The following ABLIM1 variants were observed in gnomAD, a reference collection of about 807,000 sequenced individuals.
The protein encoded by ABLIM1 is actin binding LIM protein 1.
A neutral mutation model predicts 107.0 loss-of-function variants in ABLIM1; 40 were observed. That is an observed-to-expected ratio of 0.37 (90% confidence interval 0.29 to 0.49). The LOEUF is 0.49. ABLIM1 is among the 20% of genes least tolerant of loss of function. The probability of loss-of-function intolerance (pLI) is 0.97; values close to 1 mark genes in which losing one functional copy is unlikely to be tolerated. For missense variants in ABLIM1, 857 were observed against 1,008.5 expected (o/e 0.85, Z 2.04); for synonymous variants, 357 against 357.3 (o/e 1.00, Z 0.01).
At chr10:114,529,476 TTTTA>T (rs1243659970) in intron 6 of ABLIM1, among the ~76,000 whole-genome samples, 1 of 152,148 alleles carries the variant, frequency 6.6e-6, no homozygotes, top group African/African-American at 2.4e-5. Context: ...TCTTTTTGGA[TTTTA>T]TTTATTTAAG....
At chr10:114,568,715 G>A (rs898762957) in intron 4 of ABLIM1, among the ~76,000 whole-genome samples, 1 of 152,188 alleles carries the variant, frequency 6.6e-6, no homozygotes, top group South Asian at 2.1e-4. Context: ...CCTGACCAAA[G>A]CAGTTGCATA....
At chr10:114,454,357 A>C (rs7080135) in intron 12 of ABLIM1, among the ~76,000 whole-genome samples, 71,937 of 151,970 alleles carry the variant, frequency 0.47, 17,370 homozygotes, top group African/African-American at 0.61. Flanking sequence ...GATGAAGGTG[A>C]CACCAATTCT....
chr10:114,573,481 G>A (rs560879096), intron 3 of ABLIM1, among the ~76,000 whole-genome samples: 5 of 152,264 alleles, frequency 3.3e-5, no homozygotes, highest in South Asian at 2.1e-4. Flanking sequence ...TTAATAAATC[G>A]TTTTTTATCA....
At chr10:114,575,635 G>T (rs1410026813) in intron 2 of ABLIM1, 36 bp from the exon 3 acceptor site, 1 of 1,591,602 alleles carries the variant, frequency 6.3e-7, no homozygotes, top group Non-Finnish European at 8.6e-7. Context: ...GTCATTATCT[G>T]CCACACTGCC....
intron 1 of ABLIM1, among the ~76,000 whole-genome samples, chr10:114,726,268 G>GT (rs2081957281): frequency 6.6e-6 from 1 of 152,122 alleles, no homozygotes; most frequent in Non-Finnish European, 1.5e-5. Context: ...AAAAGGTTTT[G>GT]TGAGTTTGTT....
intron 1 of ABLIM1, among the ~76,000 whole-genome samples, chr10:114,704,187 T>C (rs2081358989): frequency 6.6e-6 from 1 of 151,354 alleles, no homozygotes; most frequent in South Asian, 2.1e-4. Context: ...CAACATAATT[T>C]ATTTGGCATT....
chr10:114,691,361 A>G (rs1297363706), intron 1 of ABLIM1, among the ~76,000 whole-genome samples: 1 of 152,234 alleles, frequency 6.6e-6, no homozygotes, highest in Admixed American at 6.5e-5. Flanking sequence ...AGCGGAATGC[A>G]CTTAGTGGTA....
rs750976176 is a variant in ABLIM1 at position 114,575,555 on chromosome 10, C to T, written c.424G>A (p.Gly142Arg). 1.1e-5 allele frequency: 18 copies of T among 1,614,176 alleles called. No individual in the cohort carries two copies. Among genetic ancestry groups the T allele is most frequent in the East Asian group, 2.2e-5 (1 of 44,884 alleles). ...LAQGGFFIKN[G>R]EYLCTLDYQR... The stretch of plus-strand genomic sequence containing the variant: ...TAGTCCAGGGTGCAGAGATACTCTC[C>T]GTTCTTTATGAAGAAGCCCCCTTGT... Residue 142 changes from glycine (G) to arginine (R), a missense_variant, in exon 3 of 23, where the codon GGA (glycine) becomes AGA (arginine). Transcript: ENST00000533213.
chr10:114,585,476 C>A (rs1293780461), intron 2 of ABLIM1, among the ~76,000 whole-genome samples: 1 of 152,328 alleles, frequency 6.6e-6, no homozygotes, highest in South Asian at 2.1e-4. Context: ...TATTATCCCT[C>A]CTAATGGGCT....
rs377688460 is a variant in ABLIM1, at chr10:114,716,410, A to C, written c.-213+51651T>G. 7.7e-5 allele frequency among the ~76,000 whole-genome samples: 11 copies of C among 143,626 alleles called. No homozygotes were observed. The East Asian group carries it at 2.0e-3, about 27-fold the overall frequency. The allele number at this position is 143,626 out of a possible 152,430, so 94.2% of individuals were successfully genotyped here. ...TAGTGTTCTCAAATTGGTAGAGAGA[A>C]ACACACACACACACACACACACACA... On this transcript the variant is annotated intron_variant, in intron 1 of 15. Transcript: ENST00000651092.
chr10:114,794,997 G>A, the ABLIM1 span, among the ~76,000 whole-genome samples: 1 of 152,046 alleles, frequency 6.6e-6, no homozygotes, highest in Non-Finnish European at 1.5e-5. Flanking sequence ...GAACACACTT[G>A]AGATTAATTT....
chr10:114,727,807 T>A (rs1161484379), intron 1 of ABLIM1, among the ~76,000 whole-genome samples: 5 of 152,014 alleles, frequency 3.3e-5, no homozygotes, highest in Non-Finnish European at 7.4e-5. Flanking sequence ...ATACAAAAGT[T>A]AGCCAGGCAT....
At chr10:114,776,746 T>C in the ABLIM1 span, among the ~76,000 whole-genome samples, 2 of 152,216 alleles carry the variant, frequency 1.3e-5, no homozygotes, top group Non-Finnish European at 2.9e-5. Context: ...CCCAAGTAGC[T>C]TGGACTACAA....
intron 12 of ABLIM1, among the ~76,000 whole-genome samples, chr10:114,462,337 T>C (rs1288765606): frequency 6.6e-6 from 1 of 152,242 alleles, no homozygotes; most frequent in African/African-American, 2.4e-5. Flanking sequence ...TTTTAAATTA[T>C]GACCCCTTTG....
intron 1 of ABLIM1, among the ~76,000 whole-genome samples, chr10:114,615,734 T>C (rs1190306065): frequency 6.6e-6 from 1 of 151,912 alleles, no homozygotes; most frequent in Non-Finnish European, 1.5e-5. Context: ...CAGTGTCTAC[T>C]ATCAGTTAGG....
chr10:114,449,816 A>G (rs557655969), intron 14 of ABLIM1, among the ~76,000 whole-genome samples: 1 of 152,362 alleles, frequency 6.6e-6, no homozygotes, highest in African/African-American at 2.4e-5. Flanking sequence ...AGTTTTGGGC[A>G]TAACAACTAT....
intron 1 of ABLIM1, among the ~76,000 whole-genome samples, chr10:114,602,410 T>C (rs966311731): frequency 1.3e-5 from 2 of 152,228 alleles, no homozygotes; most frequent in Admixed American, 6.5e-5. Flanking sequence ...GTTGTATTTC[T>C]CCCTCCTTCC....
At chr10:114,791,428 G>A in the ABLIM1 span, among the ~76,000 whole-genome samples, 2 of 152,104 alleles carry the variant, frequency 1.3e-5, no homozygotes, top group African/African-American at 4.8e-5. Flanking sequence ...CACGAGGTCA[G>A]GAGATCGAGA....
chr10:114,571,546 C>A, intron 3 of ABLIM1, 140 bp from the exon 4 acceptor site: 1 of 763,400 alleles, frequency 1.3e-6, no homozygotes, highest in Non-Finnish European at 2.2e-6. Flanking sequence ...CAGTCATAAC[C>A]AAGCCAGCCA....
Sources: gnomAD v4.1 joint callset for allele counts (sites outside exome capture counted in the v4.1 genomes callset) on GRCh38, gnomAD v4.1.1 for gene constraint, MANE v1.5 for transcripts, NCBI Gene and HGNC (gene_info 2026-07-23, HGNC 2026-07-21) for gene names.